PTPN22: variants seen among roughly 807,000 people sequenced by gnomAD.
The protein encoded by PTPN22 is tyrosine-protein phosphatase non-receptor type 22.
PTPN22 carries 85 observed loss-of-function variants against 103.3 expected under a neutral mutation model. The ratio of observed to expected loss-of-function variants is 0.82; its 90% CI spans 0.69 to 0.99. The LOEUF is 0.99. Among genes scored for constraint, PTPN22 ranks in the 50% least tolerant of loss-of-function variants. PTPN22 has a pLI of 0.00. For synonymous variants in PTPN22, 323 were observed against 310.2 expected (o/e 1.04, Z -0.43); for missense variants, 865 against 936.9 (o/e 0.92, Z 1.00).
At chr1:113,856,239 C>T in intron 7 of PTPN22, 143 bp downstream of exon 7, 1 of 1,213,076 alleles carries the variant, frequency 8.2e-7, no homozygotes, top group Admixed American at 3.2e-5. Flanking sequence ...GCTCAAAGTT[C>T]TCTTGAATAT....
chr1:113,843,526 A>C (rs541903639), intron 11 of PTPN22, among the ~76,000 whole-genome samples: 26 of 152,290 alleles, frequency 1.7e-4, no homozygotes, highest in African/African-American at 6.3e-4. Flanking sequence ...GCCAGGGGCC[A>C]GTGGGAGGGG....
intron 7 of PTPN22, among the ~76,000 whole-genome samples, chr1:113,856,100 A>C (rs573133007): frequency 1.7e-4 from 26 of 152,068 alleles, no homozygotes; most frequent in African/African-American, 6.3e-4. Context: ...TGCAACCTCC[A>C]CCTCCAGGGC....
intron 5 of PTPN22, chr1:113,856,929 A>C (rs1461824911): frequency 1.2e-5 from 3 of 253,316 alleles, no homozygotes; most frequent in Non-Finnish European, 2.3e-5. Flanking sequence ...TAAGTGAAAT[A>C]CCTAGTTCCC....
At chr1:113,842,986 G>C (rs991021334) in intron 11 of PTPN22, among the ~76,000 whole-genome samples, 4 of 144,682 alleles carry the variant, frequency 2.8e-5, no homozygotes, top group Non-Finnish European at 4.5e-5. Flanking sequence ...TGTAGTCCTA[G>C]CTACTTGGGA....
At chr1:113,837,624 A>G in exon 13 of PTPN22, 1 of 1,597,262 alleles carries the variant, frequency 6.3e-7, no homozygotes, top group South Asian at 1.1e-5. Context: ...ATAGTGAGGA[A>G]ATATTGGTTG....
intron 13 of PTPN22, among the ~76,000 whole-genome samples, chr1:113,836,349 T>A (rs572391837): frequency 1.3e-5 from 2 of 152,264 alleles, no homozygotes; most frequent in South Asian, 4.1e-4. Flanking sequence ...ACAATATGCA[T>A]TATATGCAAA....
chr1:113,856,778 T>C, intron 5 of PTPN22, 159 bp from the exon 6 acceptor site: 4 of 837,808 alleles, frequency 4.8e-6, no homozygotes, highest in Non-Finnish European at 7.3e-6. Context: ...TCTCCAAAGA[T>C]GGGAAAACAA....
At chr1:113,833,136 A>G (rs769972726) in exon 16 of PTPN22, 2 of 1,559,280 alleles carry the variant, frequency 1.3e-6, no homozygotes, top group Admixed American at 3.5e-5. Flanking sequence ...GGAGTTTTAC[A>G]CTCTAAAAGA....
intron 13 of PTPN22, among the ~76,000 whole-genome samples, chr1:113,836,116 C>T (rs1053882918): frequency 3.9e-5 from 6 of 152,170 alleles, no homozygotes; most frequent in Non-Finnish European, 8.8e-5. Context: ...TACAAATGAT[C>T]TACACAACTA....
At chr1:113,853,859 C>CTTTTTTTTT (rs894010114) in intron 9 of PTPN22, among the ~76,000 whole-genome samples, 22 of 67,152 alleles carry the variant, frequency 3.3e-4, no homozygotes, top group Non-Finnish European at 3.6e-4. Context: ...TTTTTTTTTG[C>CTTTTTTTTT]TTTTTTTTTT....
At chr1:113,867,326 T>G (rs1005833929) in intron 1 of PTPN22, among the ~76,000 whole-genome samples, 6 of 152,204 alleles carry the variant, frequency 3.9e-5, no homozygotes, top group Non-Finnish European at 2.9e-5. Context: ...ATGTTACAGC[T>G]CTGTAATAAG....
At chr1:113,832,421 G>A (rs1185204973) in intron 16 of PTPN22, among the ~76,000 whole-genome samples, 5 of 152,210 alleles carry the variant, frequency 3.3e-5, no homozygotes, top group Admixed American at 6.5e-5. Context: ...CTCGTGATCC[G>A]CCAGCTTTGG....
At chr1:113,829,830 T>C in intron 17 of PTPN22, 119 bp downstream of exon 17, 1 of 1,217,844 alleles carries the variant, frequency 8.2e-7, no homozygotes, top group Non-Finnish European at 1.2e-6. Context: ...TTAGGGGCTT[T>C]TAAAATGTAT....
intron 13 of PTPN22, 128 bp downstream of exon 13, chr1:113,837,462 G>T: frequency 4.4e-6 from 3 of 683,456 alleles, no homozygotes; most frequent in Non-Finnish European, 6.9e-6. Context: ...AAAAAAAAAA[G>T]AAAAAAAAGA....
At chr1:113,859,492 C>A in intron 1 of PTPN22, 32 bp from the exon 2 acceptor site, 1 of 1,541,672 alleles carries the variant, frequency 6.5e-7, no homozygotes, top group South Asian at 1.1e-5. Flanking sequence ...AATTAATCTT[C>A]CTAGAGAAAT....
intron 5 of PTPN22, chr1:113,857,452 CA>C (rs1474577934): frequency 3.5e-6 from 1 of 283,366 alleles, no homozygotes; most frequent in African/African-American, 2.2e-5. Flanking sequence ...CTCTGGCTGG[CA>C]GTTAAAGATA....
intron 19 of PTPN22, among the ~76,000 whole-genome samples, chr1:113,822,768 T>C (rs997286404): frequency 3.9e-5 from 6 of 152,204 alleles, no homozygotes. Context: ...AAGACCATCC[T>C]GGCCAACACG....
chr1:113,822,229 G>A (rs1048880636), intron 19 of PTPN22, among the ~76,000 whole-genome samples: 38 of 152,144 alleles, frequency 2.5e-4, no homozygotes, highest in Admixed American at 8.5e-4. Context: ...GGATTTCTGA[G>A]CAATTAAAGT....
chr1:113,834,777 T>C (rs764742205), intron 14 of PTPN22, 133 bp downstream of exon 14: 1 of 800,960 alleles, frequency 1.2e-6, no homozygotes, highest in Non-Finnish European at 2.1e-6. Context: ...CGCAGGCTAG[T>C]CTTGAACTCC....
Sources: gnomAD v4.1 joint callset for allele counts (sites outside exome capture counted in the v4.1 genomes callset) on GRCh38, gnomAD v4.1.1 for gene constraint, MANE v1.5 for transcripts, NCBI Gene and HGNC (gene_info 2026-07-23, HGNC 2026-07-21) for gene names.